The following UST variants were observed in gnomAD, a reference collection of about 807,000 sequenced individuals.
UST encodes uronyl 2-sulfotransferase.
A neutral mutation model predicts 45.6 loss-of-function variants in UST; 21 were observed. The ratio of observed to expected loss-of-function variants is 0.46; its 90% CI spans 0.33 to 0.66. The LOEUF (loss-of-function observed/expected upper bound fraction) is 0.66. Ranked by LOEUF, UST falls within the 30% of genes least tolerant of loss-of-function variation. The pLI is 0.02. For synonymous variants in UST, 215 were observed against 200.6 expected, an observed-to-expected ratio of 1.07 and a Z score of -0.61; for missense variants, 463 against 512.4, an observed-to-expected ratio of 0.90 and a Z score of 0.93.
At chr6:149,060,699 G>A (rs1776641397) in intron 7 of UST, among the ~76,000 whole-genome samples, 1 of 152,036 alleles carries the variant, frequency 6.6e-6, no homozygotes, top group South Asian at 2.1e-4. Flanking sequence ...CGTGACTTTC[G>A]GCACACCTGT....
At chr6:148,849,136 C>T (rs935729801) in intron 1 of UST, among the ~76,000 whole-genome samples, 115 of 152,152 alleles carry the variant, frequency 7.6e-4, no homozygotes, top group African/African-American at 2.5e-3. Context: ...GGATCTTCCC[C>T]ACTCAGTCCA....
At chr6:148,969,591 C>G (rs1197732874) in intron 5 of UST, among the ~76,000 whole-genome samples, 1 of 152,168 alleles carries the variant, frequency 6.6e-6, no homozygotes, top group Non-Finnish European at 1.5e-5. Context: ...CTAAAACTCT[C>G]CAAAACACAT....
intron 4 of UST, among the ~76,000 whole-genome samples, chr6:148,961,400 C>G (rs1293462760): frequency 7.2e-5 from 11 of 152,028 alleles, no homozygotes; most frequent in Admixed American, 6.5e-4. Flanking sequence ...CAGCCGTAGT[C>G]ACCACAATTT....
chr6:148,925,780 A>G (rs1341988762), intron 2 of UST, among the ~76,000 whole-genome samples: 1 of 152,268 alleles, frequency 6.6e-6, no homozygotes, highest in African/African-American at 2.4e-5. Context: ...TATTGACCAC[A>G]TAATTTCCAG....
At chr6:148,747,938 C>A (rs1775905701) in intron 1 of UST, among the ~76,000 whole-genome samples, 1 of 152,184 alleles carries the variant, frequency 6.6e-6, no homozygotes, top group African/African-American at 2.4e-5. Flanking sequence ...CGCTCACCTT[C>A]CCCCCGCCCC....
intron 1 of UST, among the ~76,000 whole-genome samples, chr6:148,784,422 A>G (rs947481858): frequency 7.9e-5 from 12 of 152,250 alleles, no homozygotes; most frequent in African/African-American, 2.4e-4. Context: ...GGCAGTATTT[A>G]CTAACCAACA....
intron 1 of UST, among the ~76,000 whole-genome samples, chr6:148,866,560 A>G (rs1778437393): frequency 6.6e-6 from 1 of 152,236 alleles, no homozygotes; most frequent in Non-Finnish European, 1.5e-5. Context: ...CATGATAGAC[A>G]TAATAAATGC....
At chr6:148,903,867 A>ACACCCT (rs1195488617) in intron 2 of UST, among the ~76,000 whole-genome samples, 11 of 152,228 alleles carry the variant, frequency 7.2e-5, no homozygotes, top group African/African-American at 2.7e-4. Context: ...AAAGTACTGG[A>ACACCCT]CACCCTGGAG....
chr6:148,796,790 G>A (rs761025524), intron 1 of UST, among the ~76,000 whole-genome samples: 11 of 138,792 alleles, frequency 7.9e-5, no homozygotes, highest in Non-Finnish European at 1.4e-4. Flanking sequence ...AACTTTCTCT[G>A]ATAATTCTTT....
At chr6:148,898,408 A>G (rs1297131456) in intron 2 of UST, among the ~76,000 whole-genome samples, 1 of 152,230 alleles carries the variant, frequency 6.6e-6, no homozygotes, top group Non-Finnish European at 1.5e-5. Flanking sequence ...TCAACCTTAC[A>G]TAATAGGGTT....
rs560115554 is a variant in UST, at chr6:148,867,770, T to C, written c.248-19216T>C. ...TAAACCTCTTTTTCTTTATAAATTATCCAGTCTCAGGTATGTCTTTATCAG... is the reference window on the plus strand; with the variant it reads ...TAAACCTCTTTTTCTTTATAAATTACCCAGTCTCAGGTATGTCTTTATCAG... On this transcript the variant is annotated intron_variant, in intron 1 of 7. Transcript: ENST00000367463. 5.3e-5 allele frequency among the ~76,000 whole-genome samples: 8 copies of C among 152,298 alleles called. No homozygotes were observed. In the South Asian group the frequency reaches 1.2e-3, roughly 24 times the overall value.
At chr6:148,924,841 C>A (rs1328603360) in intron 2 of UST, among the ~76,000 whole-genome samples, 2 of 152,120 alleles carry the variant, frequency 1.3e-5, no homozygotes, top group African/African-American at 4.8e-5. Context: ...GATTTGCATT[C>A]TCTTGGTTGG....
At chr6:148,778,471 A>G (rs556840926) in intron 1 of UST, among the ~76,000 whole-genome samples, 15 of 152,276 alleles carry the variant, frequency 9.9e-5, no homozygotes, top group African/African-American at 3.6e-4. Context: ...GTGACAGAAA[A>G]AGGCACTCCT....
At chr6:148,941,160 T>G (rs1045679911) in intron 2 of UST, 119 bp from the exon 3 acceptor site, 8 of 1,157,442 alleles carry the variant, frequency 6.9e-6, no homozygotes, top group Non-Finnish European at 1.0e-5. Flanking sequence ...TTAATCTGAT[T>G]ATAGGCCTTT....
At chr6:148,759,571 G>A (rs1776167034) in intron 1 of UST, among the ~76,000 whole-genome samples, 1 of 147,438 alleles carries the variant, frequency 6.8e-6, no homozygotes, top group Non-Finnish European at 1.5e-5. Context: ...AGAATGCGGC[G>A]TACGCGGTGG....
rs1357371455 is a variant in UST, at chr6:149,075,433, A to G, written c.*1317A>G. ...GCTCCTGAGAACTCTTACTTGAGAC[A>G]TCAAAAAGAAGCAGCAAGAGCTTCT... On this transcript the variant is annotated 3_prime_UTR_variant, in exon 8 of 8. Coordinates refer to ENST00000367463, the MANE Select transcript of UST (RefSeq NM_005715.3). 1.3e-5 allele frequency: 2 copies of G among 152,168 alleles called. No homozygotes were observed. Among genetic ancestry groups the G allele is most frequent in the Admixed American group, 6.5e-5 (1 of 15,274 alleles). 9.4% of individuals were successfully genotyped at this position (152,168 alleles called of 1,614,324 possible).
chr6:148,966,258 A>AAT lies in UST; in HGVS notation c.681+1696_681+1697insTA, dbSNP rs1385699182. On this transcript the variant is annotated intron_variant, in intron 5 of 7. Coordinates refer to ENST00000367463, the MANE Select transcript of UST (RefSeq NM_005715.3). ...TAATAATAATAATTAAATAAAATAA[A>AAT]AAACTATAGGTTATGAATATGACTA... 5.8e-4 allele frequency among the ~76,000 whole-genome samples: 88 copies of AAT among 151,880 alleles called. 2 individuals are homozygous for AAT. Among genetic ancestry groups the AAT allele is most frequent in the African/African-American group, 2.0e-3 (84 of 41,540 alleles).
chr6:149,017,730 G>A (rs1053146512), intron 5 of UST, among the ~76,000 whole-genome samples: 17 of 151,610 alleles, frequency 1.1e-4, no homozygotes, highest in African/African-American at 3.4e-4. Flanking sequence ...TCCCCCGTTC[G>A]TGAACATGTA....
At chr6:148,842,605 G>A (rs1008026880) in intron 1 of UST, among the ~76,000 whole-genome samples, 1 of 152,182 alleles carries the variant, frequency 6.6e-6, no homozygotes, top group African/African-American at 2.4e-5. Flanking sequence ...GAGTTTTCTC[G>A]TCTGCACATC....
Sources: allele counts gnomAD v4.1 joint callset (sites outside exome capture counted in the v4.1 genomes callset), GRCh38; gene constraint gnomAD v4.1.1; transcripts MANE v1.5; gene names NCBI Gene and HGNC (gene_info 2026-07-23, HGNC 2026-07-21).